CENPW: variants seen among roughly 807,000 people sequenced by gnomAD.
CENPW encodes the protein cancer-up-regulated gene 2 protein.
In CENPW, 3 loss-of-function variants were observed where a neutral mutation model predicts 11.1. The ratio of observed to expected loss-of-function variants is 0.27; its 90% CI spans 0.12 to 0.70. The LOEUF is 0.70. CENPW is among the 30% of genes least tolerant of loss of function. CENPW has a pLI of 0.77. For synonymous variants in CENPW, 38 were observed against 42.0 expected (o/e 0.91, Z 0.37); for missense variants, 100 against 105.6 (o/e 0.95, Z 0.23).
chr6:126,341,674 A>T (rs542723761), intron 1 of CENPW, among the ~76,000 whole-genome samples: 1 of 152,358 alleles, frequency 6.6e-6, no homozygotes, highest in African/African-American at 2.4e-5. Flanking sequence ...GGCACAAATG[A>T]ACGGAATTCA....
chr6:126,383,941 A>G, the CENPW span, among the ~76,000 whole-genome samples: 1 of 152,168 alleles, frequency 6.6e-6, no homozygotes, highest in African/African-American at 2.4e-5. Context: ...AGAGCAACAG[A>G]ATATAGATTC....
the CENPW span, among the ~76,000 whole-genome samples, chr6:126,366,983 AC>A: frequency 2.0e-5 from 3 of 152,126 alleles, no homozygotes; most frequent in Non-Finnish European, 4.4e-5. Context: ...AGCCTTCATG[AC>A]CTAAACACCT....
the CENPW span, among the ~76,000 whole-genome samples, chr6:126,473,727 T>C: frequency 6.6e-6 from 1 of 151,314 alleles, no homozygotes; most frequent in Non-Finnish European, 1.5e-5. Context: ...TGAATCTCTC[T>C]CTCTCTCTCT....
the CENPW span, among the ~76,000 whole-genome samples, chr6:126,355,215 C>A: frequency 6.6e-6 from 1 of 151,966 alleles, no homozygotes; most frequent in African/African-American, 2.4e-5. Flanking sequence ...GTTAATCATT[C>A]CTAAGCAAAG....
the CENPW span, among the ~76,000 whole-genome samples, chr6:126,450,644 A>G: frequency 1.3e-5 from 2 of 150,980 alleles, no homozygotes; most frequent in African/African-American, 4.8e-5. Flanking sequence ...CAACTCATGG[A>G]AAGGCATGCT....
At chr6:126,471,564 T>A in the CENPW span, among the ~76,000 whole-genome samples, 927 of 152,240 alleles carry the variant, frequency 6.1e-3, 10 homozygotes, top group African/African-American at 0.021. Context: ...AACCAAAATG[T>A]TCATCAACAC....
chr6:126,388,639 C>T, the CENPW span, among the ~76,000 whole-genome samples: 1,117 of 151,952 alleles, frequency 7.4e-3, 42 homozygotes, highest in Admixed American at 0.054. Flanking sequence ...ATGCATGGGA[C>T]GTTGCTTACT....
the CENPW span, among the ~76,000 whole-genome samples, chr6:126,473,013 C>T: frequency 1.1e-4 from 16 of 152,164 alleles, no homozygotes; most frequent in Admixed American, 7.2e-4. Context: ...TAATATGCCT[C>T]CTTTTCAGAT....
intron 1 of CENPW, 157 bp downstream of exon 1, chr6:126,340,556 T>TGGC: frequency 9.9e-7 from 1 of 1,013,238 alleles, no homozygotes; most frequent in Non-Finnish European, 1.4e-6. Flanking sequence ...TGCCCCACCC[T>TGGC]GGCATGTCAG....
the CENPW span, among the ~76,000 whole-genome samples, chr6:126,421,414 A>G: frequency 6.6e-6 from 1 of 152,072 alleles, no homozygotes; most frequent in Non-Finnish European, 1.5e-5. Context: ...TGTTGCTACA[A>G]GAAACTATTT....
chr6:126,446,757 T>C, the CENPW span, among the ~76,000 whole-genome samples: 1 of 151,292 alleles, frequency 6.6e-6, no homozygotes, highest in African/African-American at 2.4e-5. Context: ...TCAACATAGA[T>C]AAAGTTACTT....
the CENPW span, among the ~76,000 whole-genome samples, chr6:126,405,916 T>C: frequency 2.4e-4 from 36 of 152,214 alleles, no homozygotes; most frequent in Middle Eastern, 6.8e-3. Flanking sequence ...GATTTTTCCA[T>C]ATATAAGATT....
intron 2 of CENPW, 40 bp downstream of exon 2, chr6:126,346,358 T>C: frequency 7.8e-7 from 1 of 1,281,198 alleles, no homozygotes; most frequent in Non-Finnish European, 1.1e-6. Context: ...GAATTAAACT[T>C]CAAAAATAAC....
At chr6:126,408,317 A>G in the CENPW span, among the ~76,000 whole-genome samples, 1 of 152,184 alleles carries the variant, frequency 6.6e-6, no homozygotes, top group South Asian at 2.1e-4. Flanking sequence ...AGGTCTCATA[A>G]TCAAGGTGGA....
chr6:126,430,385 A>G, the CENPW span, among the ~76,000 whole-genome samples: 1 of 152,264 alleles, frequency 6.6e-6, no homozygotes, highest in Admixed American at 6.5e-5. Context: ...AATTTAGTAT[A>G]TAAGACTGCT....
the CENPW span, among the ~76,000 whole-genome samples, chr6:126,482,338 A>G: frequency 6.6e-6 from 1 of 152,000 alleles, no homozygotes; most frequent in African/African-American, 2.4e-5. Context: ...AGCATTACAT[A>G]TATTAATATT....
the CENPW span, among the ~76,000 whole-genome samples, chr6:126,473,747 T>TCTCG: frequency 6.7e-6 from 1 of 149,602 alleles, no homozygotes; most frequent in Non-Finnish European, 1.5e-5. Flanking sequence ...TCTCTCTCTC[T>TCTCG]CTAGCATATA....
chr6:126,344,190 C>T (rs1780365783), intron 1 of CENPW, among the ~76,000 whole-genome samples: 1 of 152,142 alleles, frequency 6.6e-6, no homozygotes, highest in African/African-American at 2.4e-5. Context: ...TTGAGGAAGA[C>T]AGCTAAGTGA....
At chr6:126,476,063 A>G in the CENPW span, among the ~76,000 whole-genome samples, 4 of 151,656 alleles carry the variant, frequency 2.6e-5, no homozygotes, top group Non-Finnish European at 4.4e-5. Flanking sequence ...CCAGACTGCC[A>G]GTACATTTTT....
Sources: allele counts gnomAD v4.1 joint callset (sites outside exome capture counted in the v4.1 genomes callset), GRCh38; gene constraint gnomAD v4.1.1; transcripts MANE v1.5; gene names NCBI Gene and HGNC (gene_info 2026-07-23, HGNC 2026-07-21).